The following SYN3 variants were observed in gnomAD, a reference collection of about 807,000 sequenced individuals.
SYN3 encodes synapsin-3.
SYN3 carries 35 observed loss-of-function variants against 65.8 expected under a neutral mutation model. The ratio of observed to expected loss-of-function variants is 0.53; its 90% CI spans 0.41 to 0.70. SYN3 has a LOEUF of 0.70. Among genes scored for constraint, SYN3 ranks in the 30% least tolerant of loss-of-function variants. The pLI is 0.00. For synonymous variants in SYN3, 270 were observed against 292.9 expected, an observed-to-expected ratio of 0.92 and a Z score of 0.80; for missense variants, 680 against 749.0, an observed-to-expected ratio of 0.91 and a Z score of 1.08.
At chr22:32,797,632 C>A (rs903395705) in intron 6 of SYN3, among the ~76,000 whole-genome samples, 1 of 152,186 alleles carries the variant, frequency 6.6e-6, no homozygotes, top group Non-Finnish European at 1.5e-5. Context: ...CAGAGCCTGT[C>A]TCTCCTAGGA....
intron 3 of SYN3, among the ~76,000 whole-genome samples, chr22:32,935,033 C>G (rs1178191818): frequency 6.6e-6 from 1 of 152,152 alleles, no homozygotes; most frequent in Non-Finnish European, 1.5e-5. Flanking sequence ...CTGCTGAAAC[C>G]TTGATTTGGG....
intron 2 of SYN3, among the ~76,000 whole-genome samples, chr22:32,990,311 T>TGAATCCATCCAA (rs201654558): frequency 1.3e-5 from 2 of 150,326 alleles, no homozygotes; most frequent in Non-Finnish European, 3.0e-5. Context: ...AATCCATCCA[T>TGAATCCATCCAA]CCATCCATCC....
chr22:32,934,260 GA>G (rs1394551864), intron 3 of SYN3, among the ~76,000 whole-genome samples: 2 of 152,134 alleles, frequency 1.3e-5, no homozygotes, highest in Non-Finnish European at 1.5e-5. Context: ...GAGTGAAACA[GA>G]ATCTTGGAAG....
chr22:32,785,485 T>C (rs1157415329), intron 6 of SYN3, among the ~76,000 whole-genome samples: 3 of 152,196 alleles, frequency 2.0e-5, no homozygotes, highest in Middle Eastern at 3.2e-3. Context: ...GAATAACACA[T>C]GCTGGCTCCC....
At chr22:32,993,293 C>T (rs796964019) in intron 2 of SYN3, among the ~76,000 whole-genome samples, 3 of 152,286 alleles carry the variant, frequency 2.0e-5, no homozygotes, top group African/African-American at 7.2e-5. Context: ...ACACTCAGGT[C>T]TCCCTATTTT....
chr22:32,615,908 A>G lies in SYN3; in HGVS notation c.712-19172T>C, dbSNP rs191373483. On this transcript the variant is annotated intron_variant, in intron 6 of 13. Transcript: ENST00000358763. ...TCAGCTGCAAAGTGGAGGGAATGCAATGGGGGCGGAGTCTCCCTAACTTCT... is the reference window on the plus strand; with the variant it reads ...TCAGCTGCAAAGTGGAGGGAATGCAGTGGGGGCGGAGTCTCCCTAACTTCT... 4.6e-5 allele frequency among the ~76,000 whole-genome samples: 7 copies of G among 152,306 alleles called. No homozygotes were observed. The East Asian group carries it at 1.4e-3, about 29-fold the overall frequency.
chr22:32,915,851 G>A (rs1400914317), intron 4 of SYN3, among the ~76,000 whole-genome samples: 1 of 152,234 alleles, frequency 6.6e-6, no homozygotes, highest in East Asian at 1.9e-4. Flanking sequence ...TCTGGCTGCT[G>A]TGTAGAGAAC....
At chr22:32,639,274 A>G (rs781062479) in intron 6 of SYN3, among the ~76,000 whole-genome samples, 8 of 152,062 alleles carry the variant, frequency 5.3e-5, no homozygotes, top group Non-Finnish European at 1.0e-4. Context: ...ATTTTTTTAC[A>G]TGGTGAAAGG....
intron 6 of SYN3, among the ~76,000 whole-genome samples, chr22:32,762,326 T>A (rs1469328212): frequency 6.6e-6 from 1 of 152,126 alleles, no homozygotes. Context: ...TCCTCAGGGT[T>A]ATAGCGGTGG....
chr22:32,818,424 A>G lies in SYN3; in HGVS notation c.711+46491T>C, dbSNP rs117972926. Reference sequence around the variant, plus strand: ...CAGTGCCTCCAGAAAATGGGACCCCAGGCCTGGCTCTGCTCCTTCTGCTGT... The same window carrying G: ...CAGTGCCTCCAGAAAATGGGACCCCGGGCCTGGCTCTGCTCCTTCTGCTGT... On this transcript the variant is annotated intron_variant, in intron 6 of 13. Coordinates refer to ENST00000358763, the MANE Select transcript of SYN3 (RefSeq NM_003490.4). Among the ~76,000 whole-genome samples the G allele has an allele frequency of 4.3e-4, 65 of 152,298 alleles. No individual in the cohort carries two copies. In the East Asian group the frequency reaches 0.01, roughly 24 times the overall value.
intron 6 of SYN3, chr22:32,857,173 C>A: frequency 9.0e-7 from 1 of 1,110,640 alleles, no homozygotes; most frequent in Non-Finnish European, 1.4e-6. Context: ...TGGATACATA[C>A]CCAGCAGTGG....
chr22:32,654,799 C>T (rs2060120233), intron 6 of SYN3, among the ~76,000 whole-genome samples: 1 of 152,240 alleles, frequency 6.6e-6, no homozygotes, highest in Admixed American at 6.5e-5. Flanking sequence ...GCTGCTGCTA[C>T]TCTGGGCTGG....
At position 32,655,865 on chromosome 22, in the gene SYN3, G is replaced by A. The variant is rs950992125; in HGVS notation, c.712-59129C>T. Among the ~76,000 whole-genome samples, 127 of 152,200 alleles carry A rather than the reference G, an allele frequency of 8.3e-4. 1 individual carries two copies. The highest frequency in any genetic ancestry group is 1.8e-4 in the Non-Finnish European group (12 of 68,010). On this transcript the variant is annotated intron_variant, in intron 6 of 13. Coordinates refer to ENST00000358763, the MANE Select transcript of SYN3 (RefSeq NM_003490.4). ...CCTGAAACCATCCCTCCCCATCCCT[G>A]GTCAGTGGAAAAATTGTCTTCCACA...
At chr22:33,029,978 T>C (rs1442399939) in intron 1 of SYN3, among the ~76,000 whole-genome samples, 4 of 152,158 alleles carry the variant, frequency 2.6e-5, no homozygotes, top group Non-Finnish European at 4.4e-5. Flanking sequence ...CCTACTTTCT[T>C]CAGTTGGCTG....
intron 4 of SYN3, among the ~76,000 whole-genome samples, chr22:32,902,818 C>T (rs1254421558): frequency 2.7e-5 from 4 of 150,042 alleles, no homozygotes; most frequent in African/African-American, 9.9e-5. Flanking sequence ...CTGAATATGT[C>T]TCAAGTCAGA....
chr22:32,586,036 A>G (rs867911946), intron 7 of SYN3, among the ~76,000 whole-genome samples: 1 of 103,592 alleles, frequency 9.7e-6, no homozygotes, highest in South Asian at 2.4e-4. Context: ...GTATGTATAT[A>G]TGTATATGTA....
intron 6 of SYN3, among the ~76,000 whole-genome samples, chr22:32,755,866 A>G (rs2045273836): frequency 6.6e-6 from 1 of 152,100 alleles, no homozygotes; most frequent in Non-Finnish European, 1.5e-5. Flanking sequence ...CGTGGCCCAT[A>G]TGCACCATGG....
At chr22:32,551,352 A>T (rs1024456651) in intron 7 of SYN3, among the ~76,000 whole-genome samples, 1 of 152,182 alleles carries the variant, frequency 6.6e-6, no homozygotes, top group Non-Finnish European at 1.5e-5. Flanking sequence ...TGCACCAGGG[A>T]AGTATTCTTG....
chr22:32,884,099 T>G (rs1392618157), intron 4 of SYN3, among the ~76,000 whole-genome samples: 1 of 152,216 alleles, frequency 6.6e-6, no homozygotes, highest in Non-Finnish European at 1.5e-5. Context: ...CACGTCAGCA[T>G]GCAGCTACCA....
Sources: gnomAD v4.1 joint callset for allele counts (sites outside exome capture counted in the v4.1 genomes callset) on GRCh38, gnomAD v4.1.1 for gene constraint, MANE v1.5 for transcripts, NCBI Gene and HGNC (gene_info 2026-07-23, HGNC 2026-07-21) for gene names.